The following NCKAP5 variants were observed in gnomAD, a reference collection of about 807,000 sequenced individuals.
NCKAP5 encodes the protein nck-associated protein 5.
In NCKAP5, 92 loss-of-function variants were observed where a neutral mutation model predicts 167.0. That is an observed-to-expected ratio of 0.55 (90% CI 0.47 to 0.66). The LOEUF (loss-of-function observed/expected upper bound fraction) is 0.66. Among genes scored for constraint, NCKAP5 ranks in the 30% least tolerant of loss-of-function variants. NCKAP5 has a pLI of 0.00. For synonymous variants in NCKAP5, 891 were observed against 877.4 expected, an observed-to-expected ratio of 1.02 and a Z score of -0.27; for missense variants, 2,378 against 2,315.0, an observed-to-expected ratio of 1.03 and a Z score of -0.56.
chr2:132,860,071 A>G (rs1158857058), intron 11 of NCKAP5, among the ~76,000 whole-genome samples: 3 of 152,228 alleles, frequency 2.0e-5, no homozygotes, highest in Non-Finnish European at 4.4e-5. Flanking sequence ...TATAAAAGAA[A>G]AACAAACCCC....
intron 3 of NCKAP5, among the ~76,000 whole-genome samples, chr2:133,331,542 T>C (rs1228060550): frequency 6.6e-6 from 1 of 152,220 alleles, no homozygotes; most frequent in East Asian, 1.9e-4. Flanking sequence ...TTCTGCTCCA[T>C]GGTGGCAAAT....
At chr2:133,204,865 T>A (rs1038667632) in intron 5 of NCKAP5, among the ~76,000 whole-genome samples, 1 of 152,206 alleles carries the variant, frequency 6.6e-6, no homozygotes, top group Non-Finnish European at 1.5e-5. Context: ...AAAGAGAAAT[T>A]TCAATGTTTA....
chr2:132,781,192 A>G lies in NCKAP5; in HGVS notation c.4909T>C (p.Ser1637Pro), dbSNP rs779424981. 1 of 1,613,852 alleles carries G rather than the reference A, an allele frequency of 6.2e-7. No individual in the cohort carries two copies. Among genetic ancestry groups the G allele is most frequent in the Non-Finnish European group, 8.5e-7 (1 of 1,179,830 alleles). Reference sequence around the variant, plus strand: ...ACATTCCTGCAGGAAGCATTACTTGATCCACTTTCTGTCTGTGGAGCTGCT... The same window carrying G: ...ACATTCCTGCAGGAAGCATTACTTGGTCCACTTTCTGTCTGTGGAGCTGCT... ...KKAAPQTESGSSNASCRNVLK... is the reference protein window; with the variant it reads ...KKAAPQTESGPSNASCRNVLK... The change falls in exon 15 of 20, where the codon TCA becomes CCA. Residue 1637 changes from serine to proline, a missense_variant. Physicochemically the swap from Ser to Pro is moderately conservative, Grantham distance 74. Transcript: ENST00000409261.
intron 6 of NCKAP5, among the ~76,000 whole-genome samples, chr2:133,072,686 C>G (rs112448664): frequency 1.3e-5 from 2 of 152,108 alleles, no homozygotes; most frequent in Admixed American, 1.3e-4. Context: ...AAATGAGATA[C>G]GATACCACAT....
intron 6 of NCKAP5, among the ~76,000 whole-genome samples, chr2:133,077,572 C>T (rs1324500687): frequency 6.6e-6 from 1 of 152,122 alleles, no homozygotes; most frequent in Non-Finnish European, 1.5e-5. Flanking sequence ...TGTTTCCTGC[C>T]AACATGAAAA....
intron 6 of NCKAP5, among the ~76,000 whole-genome samples, chr2:133,015,327 T>G (rs1490704504): frequency 6.6e-6 from 1 of 150,898 alleles, no homozygotes; most frequent in Non-Finnish European, 1.5e-5. Flanking sequence ...CTTCAAGAGT[T>G]GTCATTTTTG....
intron 16 of NCKAP5, among the ~76,000 whole-genome samples, chr2:132,765,585 T>C (rs1183025866): frequency 6.6e-6 from 1 of 152,214 alleles, no homozygotes; most frequent in Non-Finnish European, 1.5e-5. Flanking sequence ...TGAGCCACCG[T>C]GCCCGGCCTT....
chr2:133,646,963 A>T, the NCKAP5 span, among the ~76,000 whole-genome samples: 3 of 152,178 alleles, frequency 2.0e-5, no homozygotes, highest in Admixed American at 6.5e-5. Context: ...CCGCAAAAAA[A>T]TACCTATGGA....
At chr2:133,025,470 T>G (rs73956098) in intron 6 of NCKAP5, among the ~76,000 whole-genome samples, 1 of 152,292 alleles carries the variant, frequency 6.6e-6, no homozygotes, top group East Asian at 1.9e-4. Flanking sequence ...GAATAAAGTA[T>G]TACCGCTTAT....
chr2:132,878,794 A>G lies in NCKAP5; in HGVS notation c.648+54T>C, dbSNP rs74378836. ...CACACACACATTTTGAGATCAGATT[A>G]AGGGAATCCCAACTAGTCCAGCCTT... On this transcript the variant is annotated intron_variant, in intron 9 of 19. Coordinates refer to ENST00000409261, the MANE Select transcript of NCKAP5 (RefSeq NM_207363.3). 8.3e-3 allele frequency: 10,954 copies of G among 1,318,704 alleles called. 82 individuals carry two copies. Among genetic ancestry groups the G allele is most frequent in the African/African-American group, 0.02 (1,398 of 69,154 alleles). The allele number at this position is 1,318,704 out of a possible 1,614,324, so 81.7% of individuals were successfully genotyped here. A position where few individuals can be genotyped will look rare whatever the true frequency, so the allele number is the denominator to read the frequency against.
chr2:133,525,043 T>C (rs1057418429), intron 2 of NCKAP5, among the ~76,000 whole-genome samples: 9 of 152,218 alleles, frequency 5.9e-5, no homozygotes, highest in African/African-American at 2.2e-4. Flanking sequence ...AAAAGTGTTG[T>C]GTCCATTTTG....
At chr2:133,638,683 C>T in the NCKAP5 span, among the ~76,000 whole-genome samples, 1 of 151,972 alleles carries the variant, frequency 6.6e-6, no homozygotes, top group Non-Finnish European at 1.5e-5. Context: ...CATGGTGAGG[C>T]CCCATCTCTA....
chr2:133,215,932 G>C (rs949418266), intron 4 of NCKAP5, among the ~76,000 whole-genome samples: 2 of 152,054 alleles, frequency 1.3e-5, no homozygotes, highest in Non-Finnish European at 2.9e-5. Flanking sequence ...TCAGAGGATA[G>C]AAGCCGATGA....
At chr2:132,780,429 C>T (rs923639035) in intron 15 of NCKAP5, among the ~76,000 whole-genome samples, 30 of 152,078 alleles carry the variant, frequency 2.0e-4, no homozygotes, top group African/African-American at 6.8e-4. Context: ...GGATTACAGG[C>T]GTGAGCCACC....
In NCKAP5 at chr2:133,116,303, C is replaced by T. The variant is rs912034090; in HGVS notation, c.341+13675G>A. Among the ~76,000 whole-genome samples the T allele has an allele frequency of 6.0e-4, 54 of 90,642 alleles. 9 individuals carry two copies. The highest frequency in any genetic ancestry group is 3.0e-3 in the African/African-American group (51 of 17,176). The allele number at this position is 90,642 out of a possible 152,430, so 59.5% of individuals were successfully genotyped here. ...GAGATCGAGACCATCCTGGCTAACA[C>T]GGTGAAACCCCGTCTCTACTAAAAA... On this transcript the variant is annotated intron_variant, in intron 6 of 19. Transcript: ENST00000409261.
chr2:133,614,771 A>C, the NCKAP5 span, among the ~76,000 whole-genome samples: 1 of 151,456 alleles, frequency 6.6e-6, no homozygotes, highest in Non-Finnish European at 1.5e-5. Flanking sequence ...AAGGCAGGCC[A>C]ACATTCAGAT....
At chr2:132,731,423 T>C (rs755568799) in intron 17 of NCKAP5, among the ~76,000 whole-genome samples, 1 of 152,256 alleles carries the variant, frequency 6.6e-6, no homozygotes, top group Non-Finnish European at 1.5e-5. Flanking sequence ...AATTGGTCTA[T>C]ATTCAGAGTT....
intron 6 of NCKAP5, among the ~76,000 whole-genome samples, chr2:133,057,872 G>T (rs1453847946): frequency 6.6e-6 from 1 of 152,246 alleles, no homozygotes; most frequent in African/African-American, 2.4e-5. Context: ...TAGCTAGAGA[G>T]GTGAAGTCAA....
rs114254066 is a variant in NCKAP5 at position 133,371,398 on chromosome 2, G to A, written c.70-68288C>T. On this transcript the variant is annotated intron_variant, in intron 3 of 19. Transcript: ENST00000409261. ...AAGAAGCACAATCAGACATCTGTGC[G>A]TATTTAGATTTCCATGAAAAGGAAT... Among the ~76,000 whole-genome samples the A allele has an allele frequency of 6.0e-3, 917 of 152,260 alleles. 5 individuals are homozygous for A. Among genetic ancestry groups the A allele is most frequent in the Non-Finnish European group, 9.9e-3 (676 of 68,014 alleles).
Sources: allele counts gnomAD v4.1 joint callset (sites outside exome capture counted in the v4.1 genomes callset), GRCh38; gene constraint gnomAD v4.1.1; transcripts MANE v1.5; gene names NCBI Gene and HGNC (gene_info 2026-07-23, HGNC 2026-07-21).